TRIO: variants seen among roughly 807,000 people sequenced by gnomAD.
TRIO encodes triple functional domain protein.
In TRIO, 58 loss-of-function variants were observed where a neutral mutation model predicts 351.9. The ratio of observed to expected loss-of-function variants is 0.16; its 90% confidence interval spans 0.13 to 0.21. The LOEUF (loss-of-function observed/expected upper bound fraction) is 0.21. Ranked by LOEUF, TRIO falls within the 10% of genes least tolerant of loss-of-function variation. TRIO has a pLI of 1.00. For synonymous variants in TRIO, 1,758 were observed against 1,595.7 expected, an observed-to-expected ratio of 1.10 and a Z score of -2.42; for missense variants, 3,201 against 4,027.8, an observed-to-expected ratio of 0.79 and a Z score of 5.56.
rs760057140 is a variant in TRIO at position 14,369,332 on chromosome 5, G to A, written c.3067-42G>A. On this transcript the variant is annotated intron_variant, in intron 17 of 56. Coordinates refer to ENST00000344204, the MANE Select transcript of TRIO (RefSeq NM_007118.4). ...CTTTCCAGGGATACCAGTCGGCAGT[G>A]GCAGATGCCAAGTCTGAGCCTCAAA... The A allele has an allele frequency of 5.1e-6, 8 of 1,560,402 alleles. No homozygotes were observed. In the South Asian group the frequency reaches 9.6e-5, roughly 19 times the overall value.
rs1424543601 is a variant in TRIO at position 14,461,269 on chromosome 5, C to T, written c.5454C>T (p.Ser1818=). The T allele has an allele frequency of 9.4e-6, 15 of 1,596,376 alleles. No homozygotes were observed. In the Admixed American group the frequency reaches 2.2e-4, roughly 24 times the overall value. The part of the protein sequence containing the change: ...KSADAGSQKD[S]DDSAATPQDE... ...CCGACGCCGGCTCGCAGAAGGACTC[C>T]GACGACAGTGCGGCCACCCCGCAGG... The change falls in exon 35 of 57, where the codon TCC becomes TCT. Residue 1818 remains serine, a synonymous_variant. Coordinates refer to ENST00000344204, the MANE Select transcript of TRIO (RefSeq NM_007118.4).
intron 1 of TRIO, among the ~76,000 whole-genome samples, chr5:14,149,518 C>G (rs918563808): frequency 1.3e-5 from 2 of 152,166 alleles, no homozygotes; most frequent in Non-Finnish European, 2.9e-5. Flanking sequence ...ATCACCTGCC[C>G]CCCGGGAAAG....
rs544246750 is a variant in TRIO at position 14,305,201 on chromosome 5, G to A, written c.1500+609G>A. Among the ~76,000 whole-genome samples, 23 of 152,358 alleles carry A rather than the reference G, an allele frequency of 1.5e-4. No homozygotes were observed. The South Asian group carries it at 1.7e-3, about 11-fold the overall frequency. ...AGAGATAAATGACTGCGCCAGGTCA[G>A]CAGCTAGTGGAGCAGGGTTAGCCCA... On this transcript the variant is annotated intron_variant, in intron 8 of 56. Transcript: ENST00000344204.
At chr5:14,430,105 T>G (rs1389002087) in intron 34 of TRIO, among the ~76,000 whole-genome samples, 1 of 151,774 alleles carries the variant, frequency 6.6e-6, no homozygotes, top group Non-Finnish European at 1.5e-5. Context: ...AAGATAGAAT[T>G]CTAGGCGTAG....
intron 1 of TRIO, among the ~76,000 whole-genome samples, chr5:14,161,278 C>G (rs1419595934): frequency 6.6e-6 from 1 of 152,208 alleles, no homozygotes; most frequent in Admixed American, 6.5e-5. Flanking sequence ...ACTTGGACTT[C>G]TTGCCCCTGT....
At chr5:14,219,383 CAG>C (rs1392240230) in intron 1 of TRIO, among the ~76,000 whole-genome samples, 6 of 152,170 alleles carry the variant, frequency 3.9e-5, no homozygotes, top group Admixed American at 6.5e-5. Flanking sequence ...TGAAAATACT[CAG>C]AGAGTCTTTG....
chr5:14,434,358 T>A (rs1272669950), intron 34 of TRIO, among the ~76,000 whole-genome samples: 1 of 152,202 alleles, frequency 6.6e-6, no homozygotes, highest in African/African-American at 2.4e-5. Flanking sequence ...TATTTACAGA[T>A]CTTTAATTTG....
intron 23 of TRIO, among the ~76,000 whole-genome samples, chr5:14,388,287 A>AG (rs931939133): frequency 9.2e-5 from 14 of 152,030 alleles, no homozygotes; most frequent in African/African-American, 3.4e-4. Context: ...AGGGGGAGGG[A>AG]GTGCTGTTGG....
intron 20 of TRIO, among the ~76,000 whole-genome samples, chr5:14,379,138 C>T (rs1321186892): frequency 5.9e-5 from 9 of 152,124 alleles, no homozygotes; most frequent in East Asian, 1.9e-4. Context: ...ATTCCCCCAG[C>T]GTCTGTGTGT....
chr5:14,457,658 A>C (rs868774446), intron 34 of TRIO, among the ~76,000 whole-genome samples: 5 of 152,166 alleles, frequency 3.3e-5, no homozygotes, highest in African/African-American at 9.7e-5. Context: ...GGTGCCACAA[A>C]GCATTATTAA....
intron 9 of TRIO, among the ~76,000 whole-genome samples, chr5:14,324,494 T>G (rs1198349544): frequency 6.6e-6 from 1 of 152,212 alleles, no homozygotes; most frequent in Non-Finnish European, 1.5e-5. Flanking sequence ...ACAAACTAGC[T>G]TAGTATGTTC....
At chr5:14,365,291 G>A in intron 15 of TRIO, among the ~76,000 whole-genome samples, 1 of 152,218 alleles carries the variant, frequency 6.6e-6, no homozygotes, top group Admixed American at 6.5e-5. Flanking sequence ...GATTGCTTTT[G>A]GCTCAGTGCC....
intron 18 of TRIO, among the ~76,000 whole-genome samples, chr5:14,370,666 T>C (rs557475867): frequency 5.9e-5 from 9 of 152,286 alleles, no homozygotes; most frequent in African/African-American, 1.7e-4. Context: ...CCACAGTGAT[T>C]TTCTTTTTAA....
At chr5:14,358,408 C>T in intron 12 of TRIO, 61 bp downstream of exon 12, 1 of 1,585,602 alleles carries the variant, frequency 6.3e-7, no homozygotes, top group Non-Finnish European at 8.6e-7. Context: ...GACTCCCCTT[C>T]CCCTTTTACT....
At chr5:14,267,701 T>G (rs1327550057) in intron 1 of TRIO, among the ~76,000 whole-genome samples, 1 of 152,226 alleles carries the variant, frequency 6.6e-6, no homozygotes, top group African/African-American at 2.4e-5. Context: ...TATTGAAAGT[T>G]ACATATGATA....
At chr5:14,220,635 C>T (rs1409955630) in intron 1 of TRIO, among the ~76,000 whole-genome samples, 2 of 152,184 alleles carry the variant, frequency 1.3e-5, no homozygotes, top group South Asian at 2.1e-4. Flanking sequence ...ATCAAAACAG[C>T]CTATTGCTGA....
At chr5:14,399,340 G>A (rs1747876240) in intron 30 of TRIO, 2 of 448,118 alleles carry the variant, frequency 4.5e-6, no homozygotes, top group African/African-American at 4.0e-5. Context: ...CATTTCATAA[G>A]TGAAATCATT....
chr5:14,461,832 A>G (rs1028536974), intron 35 of TRIO, among the ~76,000 whole-genome samples: 1 of 152,270 alleles, frequency 6.6e-6, no homozygotes, highest in African/African-American at 2.4e-5. Context: ...TGTCTTGAGT[A>G]GAAAATAACC....
chr5:14,412,076 C>T (rs1281383079), intron 33 of TRIO, among the ~76,000 whole-genome samples: 11 of 151,838 alleles, frequency 7.2e-5, no homozygotes, highest in South Asian at 2.1e-4. Context: ...CAACCTCCGC[C>T]TCCCAGGTTC....
Sources: gnomAD v4.1 joint callset for allele counts (sites outside exome capture counted in the v4.1 genomes callset) on GRCh38, gnomAD v4.1.1 for gene constraint, MANE v1.5 for transcripts, NCBI Gene and HGNC (gene_info 2026-07-23, HGNC 2026-07-21) for gene names.